Variants in FBXO11 observed in about 807,000 individuals in gnomAD.
FBXO11 encodes F-box protein 11, also known as F-box only protein 11.
FBXO11 carries 13 observed loss-of-function variants against 117.0 expected under a neutral mutation model. The ratio of observed to expected loss-of-function variants is 0.11; its 90% CI spans 0.07 to 0.18. The LOEUF (loss-of-function observed/expected upper bound fraction) is 0.18, where lower values mean the gene tolerates loss of function less well. FBXO11 is among the 10% of genes least tolerant of loss of function. The pLI, the probability that FBXO11 is intolerant of heterozygous loss-of-function variation, is 1.00. For missense variants in FBXO11, 767 were observed against 1,164.4 expected (o/e 0.66, Z 4.97); for synonymous variants, 490 against 380.5 (o/e 1.29, Z -3.35).
At position 47,837,878 on chromosome 2, in the gene FBXO11, G is replaced by A. The variant is rs528422240; in HGVS notation, c.587+981C>T. Reference sequence around the variant, plus strand: ...CCGGAGTAGCTGGGACCACAGGCAGGAGCCACCACACCTGGCCTCTTTTCA... The same window carrying A: ...CCGGAGTAGCTGGGACCACAGGCAGAAGCCACCACACCTGGCCTCTTTTCA... On this transcript the variant is annotated intron_variant, in intron 4 of 22. Coordinates refer to ENST00000403359, the MANE Select transcript of FBXO11 (RefSeq NM_001190274.2). 9.2e-5 allele frequency among the ~76,000 whole-genome samples: 14 copies of A among 152,082 alleles called. No individual in the cohort carries two copies. The East Asian group carries it at 9.7e-4, about 11-fold the overall frequency.
intron 11 of FBXO11, among the ~76,000 whole-genome samples, chr2:47,830,896 C>T (rs1004485029): frequency 2.0e-5 from 3 of 152,118 alleles, no homozygotes; most frequent in African/African-American, 7.2e-5. Flanking sequence ...GTCTCCTGGG[C>T]TCAAGTGATC....
chr2:47,842,083 T>G (rs907353568), intron 1 of FBXO11, among the ~76,000 whole-genome samples: 3 of 151,950 alleles, frequency 2.0e-5, no homozygotes, highest in African/African-American at 7.2e-5. Flanking sequence ...TTGCGCGATC[T>G]CGGCTCACTG....
At chr2:47,848,001 G>GT (rs1404045025) in intron 1 of FBXO11, among the ~76,000 whole-genome samples, 7 of 151,902 alleles carry the variant, frequency 4.6e-5, no homozygotes, top group Non-Finnish European at 8.8e-5. Flanking sequence ...ACGGGTGCTT[G>GT]TAGTCCCAGC....
At position 47,900,903 on chromosome 2, in the gene FBXO11, CA is replaced by C. The variant is rs1678191421; in HGVS notation, c.232+4585del. On this transcript the variant is annotated intron_variant, in intron 1 of 22. Coordinates refer to ENST00000403359, the MANE Select transcript of FBXO11 (RefSeq NM_001190274.2). ...ATATATATACACGTATATATACACA[CA>C]TATATATGTATATATATACACGTAT... Among the ~76,000 whole-genome samples, 2 of 129,144 alleles carry C rather than the reference CA, an allele frequency of 1.5e-5. 1 individual carries two copies. The highest frequency in any genetic ancestry group is 4.4e-4 in the South Asian group (2 of 4,504). 84.7% of individuals were successfully genotyped at this position (129,144 alleles called of 152,430 possible). A position where few individuals can be genotyped will look rare whatever the true frequency, so the allele number is the denominator to read the frequency against.
chr2:47,899,518 T>G (rs982526809), intron 1 of FBXO11, among the ~76,000 whole-genome samples: 1 of 152,178 alleles, frequency 6.6e-6, no homozygotes, highest in African/African-American at 2.4e-5. Context: ...ACTTGAAAGA[T>G]CACAAAGTAA....
Position 47,830,148 on chromosome 2 carries a change from A to G in FBXO11, c.1398+2201T>C, listed in dbSNP as rs1364283131. The stretch of plus-strand genomic sequence containing the variant: ...GAACAGAAAAATAGTAAAACAATAC[A>G]TCAGCAAAAGCCAAAATATGGATAC... On this transcript the variant is annotated intron_variant, in intron 11 of 22. Coordinates refer to ENST00000403359, the MANE Select transcript of FBXO11 (RefSeq NM_001190274.2). 2.0e-5 allele frequency among the ~76,000 whole-genome samples: 3 copies of G among 152,364 alleles called. No individual in the cohort carries two copies. The East Asian group carries it at 5.8e-4, about 29-fold the overall frequency.
At chr2:47,872,359 C>T (rs76291959) in intron 1 of FBXO11, among the ~76,000 whole-genome samples, 12,173 of 152,274 alleles carry the variant, frequency 0.08, 591 homozygotes, top group Non-Finnish European at 0.11. Flanking sequence ...AGTTTCGCTC[C>T]TGTTGCACAG....
intron 19 of FBXO11, 114 bp from the exon 20 acceptor site, chr2:47,809,821 A>G: frequency 1.6e-6 from 1 of 642,392 alleles, no homozygotes; most frequent in African/African-American, 1.8e-5. Flanking sequence ...TAACCCTCTT[A>G]ATGTCTACTG....
intron 7 of FBXO11, 65 bp from the exon 8 acceptor site, chr2:47,833,135 G>A (rs539580449): frequency 3.8e-6 from 4 of 1,060,462 alleles, no homozygotes; most frequent in East Asian, 2.4e-5. Flanking sequence ...TATCTTTATG[G>A]AGGGGGAACT....
At chr2:47,809,902 CA>C in intron 19 of FBXO11, 195 bp from the exon 20 acceptor site, 1 of 540,864 alleles carries the variant, frequency 1.8e-6, no homozygotes, top group South Asian at 2.6e-5. Context: ...GTCAAAACTG[CA>C]ATTAACTTTC....
chr2:47,901,717 C>T lies in FBXO11; in HGVS notation c.232+3772G>A, dbSNP rs373142105. Among the ~76,000 whole-genome samples, 64 of 152,238 alleles carry T rather than the reference C, an allele frequency of 4.2e-4. 1 individual carries two copies. The highest frequency in any genetic ancestry group is 1.5e-3 in the African/African-American group (62 of 41,550). On this transcript the variant is annotated intron_variant, in intron 1 of 22. Transcript: ENST00000403359. Reference sequence around the variant, plus strand: ...CAACTAAAATCTACTGATGAGAACACACAGCACTTCTGTAGACTTGTAAGC... The same window carrying T: ...CAACTAAAATCTACTGATGAGAACATACAGCACTTCTGTAGACTTGTAAGC...
intron 1 of FBXO11, among the ~76,000 whole-genome samples, chr2:47,845,385 C>G (rs1673326508): frequency 6.6e-6 from 1 of 152,172 alleles, no homozygotes; most frequent in Admixed American, 6.5e-5. Flanking sequence ...TATAAAATCA[C>G]TGTTTTGAAC....
intron 1 of FBXO11, among the ~76,000 whole-genome samples, chr2:47,844,679 G>A (rs918004896): frequency 1.3e-5 from 2 of 152,104 alleles, no homozygotes; most frequent in Admixed American, 1.3e-4. Flanking sequence ...TTGAGACAGG[G>A]TCTCACTCTG....
intron 1 of FBXO11, among the ~76,000 whole-genome samples, chr2:47,887,612 G>A (rs1676958744): frequency 6.6e-6 from 1 of 152,064 alleles, no homozygotes; most frequent in South Asian, 2.1e-4. Flanking sequence ...TGTAATCCCA[G>A]TACTTTGTGA....
chr2:47,841,468 ACTAC>A (rs1183091002), intron 1 of FBXO11, among the ~76,000 whole-genome samples: 1 of 152,176 alleles, frequency 6.6e-6, no homozygotes, highest in Non-Finnish European at 1.5e-5. Flanking sequence ...CTCCTATACC[ACTAC>A]CTATAAAGTC....
chr2:47,863,561 A>G (rs1674952624), intron 1 of FBXO11, among the ~76,000 whole-genome samples: 1 of 152,182 alleles, frequency 6.6e-6, no homozygotes, highest in African/African-American at 2.4e-5. Flanking sequence ...TTATTTCAAA[A>G]GTTTCCCCTA....
rs539666655 is a variant in FBXO11 at position 47,864,041 on chromosome 2, C to T, written c.233-24272G>A. ...ACAAAATGGTAGTCAAGTTACAATACGGCATATGTGCTGGAATTTTTAATT... is the reference window on the plus strand; with the variant it reads ...ACAAAATGGTAGTCAAGTTACAATATGGCATATGTGCTGGAATTTTTAATT... On this transcript the variant is annotated intron_variant, in intron 1 of 22. Coordinates refer to ENST00000403359, the MANE Select transcript of FBXO11 (RefSeq NM_001190274.2). Among the ~76,000 whole-genome samples the T allele has an allele frequency of 8.6e-5, 13 of 152,024 alleles. No individual in the cohort carries two copies. The East Asian group carries it at 9.7e-4, about 11-fold the overall frequency.
chr2:47,823,753 C>CA (rs1336136492), intron 11 of FBXO11, among the ~76,000 whole-genome samples: 4 of 148,014 alleles, frequency 2.7e-5, no homozygotes, highest in South Asian at 2.1e-4. Flanking sequence ...AACTCCGTCT[C>CA]AAAAAAAATT....
intron 1 of FBXO11, among the ~76,000 whole-genome samples, chr2:47,892,579 A>G (rs1304864007): frequency 6.6e-6 from 1 of 152,242 alleles, no homozygotes; most frequent in Non-Finnish European, 1.5e-5. Flanking sequence ...AGAATCAGAA[A>G]GATTCATAAA....
Sources: gnomAD v4.1 joint callset for allele counts (sites outside exome capture counted in the v4.1 genomes callset) on GRCh38, gnomAD v4.1.1 for gene constraint, MANE v1.5 for transcripts, NCBI Gene and HGNC (gene_info 2026-07-23, HGNC 2026-07-21) for gene names.